The following DNAJC3 variants were observed in gnomAD, a reference collection of about 807,000 sequenced individuals.
DNAJC3 encodes DnaJ heat shock protein family (Hsp40) member C3.
In DNAJC3, 38 loss-of-function variants were observed where a neutral mutation model predicts 68.6. The observed-to-expected ratio is 0.55, with a 90% CI of 0.43 to 0.73. The LOEUF is 0.73. Ranked by LOEUF, DNAJC3 falls within the 30% of genes least tolerant of loss-of-function variation. The pLI, the probability that DNAJC3 is intolerant of heterozygous loss-of-function variation, is 0.00. For missense variants in DNAJC3, 526 were observed against 591.9 expected, an observed-to-expected ratio of 0.89 and a Z score of 1.16; for synonymous variants, 203 against 204.0, an observed-to-expected ratio of 1.00 and a Z score of 0.04.
chr13:95,686,034 T>C (rs1341276094), intron 1 of DNAJC3, among the ~76,000 whole-genome samples: 2 of 151,848 alleles, frequency 1.3e-5, no homozygotes, highest in Non-Finnish European at 2.9e-5. Context: ...CGATCTTGGC[T>C]CACTGCAAGC....
intron 9 of DNAJC3, among the ~76,000 whole-genome samples, chr13:95,764,598 A>G (rs1465124872): frequency 6.9e-6 from 1 of 144,526 alleles, no homozygotes; most frequent in African/African-American, 2.5e-5. Context: ...TTTTTGGAAG[A>G]TAACTACGGC....
At chr13:95,735,883 T>G (rs2139652751) in intron 4 of DNAJC3, among the ~76,000 whole-genome samples, 1 of 152,352 alleles carries the variant, frequency 6.6e-6, no homozygotes, top group African/African-American at 2.4e-5. Flanking sequence ...GTTTTAGACA[T>G]GAAGTCTTTG....
Position 95,760,750 on chromosome 13 carries a change from AACTT to A in DNAJC3, c.802_805del (p.Leu268IlefsTer3). 6.2e-7 allele frequency: 1 copy of A among 1,612,960 alleles called. No homozygotes were observed. The highest frequency in any genetic ancestry group is 8.5e-7 in the Non-Finnish European group (1 of 1,179,490). On this transcript the variant is annotated frameshift_variant, in exon 7 of 12. Transcript: ENST00000602402. LOFTEE classifies it high-confidence loss of function. ...TTTGCACACTATAAACAAGTAAAGAAACTTAATAAGCTGATTGAGTCAGCTGAAG... is the reference window on the plus strand; with the variant it reads ...TTTGCACACTATAAACAAGTAAAGAAAATAAGCTGATTGAGTCAGCTGAAG...
intron 1 of DNAJC3, among the ~76,000 whole-genome samples, chr13:95,680,828 A>G (rs879299174): frequency 7.9e-5 from 12 of 152,140 alleles, no homozygotes; most frequent in Admixed American, 3.3e-4. Flanking sequence ...CTTTGTTTAT[A>G]TGGAAGTATC....
intron 11 of DNAJC3, among the ~76,000 whole-genome samples, chr13:95,788,308 T>C (rs1883663583): frequency 6.6e-6 from 1 of 152,252 alleles, no homozygotes; most frequent in Non-Finnish European, 1.5e-5. Context: ...GGTGTGATAG[T>C]GTATCAGACT....
At chr13:95,722,821 CCCCCCCCCCCCCCCCCCCG>C (rs1881372234) in intron 2 of DNAJC3, among the ~76,000 whole-genome samples, 1 of 6,736 alleles carries the variant, frequency 1.5e-4, no homozygotes, top group African/African-American at 3.0e-4. Context: ...GTCCGCCCCC[CCCCCCCCCCCCCCCCCCCG>C]CCGAAAAAGG....
chr13:95,752,072 A>G (rs926060908), intron 4 of DNAJC3, among the ~76,000 whole-genome samples: 1 of 152,192 alleles, frequency 6.6e-6, no homozygotes, highest in African/African-American at 2.4e-5. Flanking sequence ...AACCACATCA[A>G]TTAGCTATAT....
At chr13:95,727,685 T>G (rs1435732033) in intron 4 of DNAJC3, among the ~76,000 whole-genome samples, 1 of 152,234 alleles carries the variant, frequency 6.6e-6, no homozygotes, top group Non-Finnish European at 1.5e-5. Flanking sequence ...ACTATAGCAC[T>G]GTATCACAAC....
At chr13:95,741,549 G>T (rs1455148771) in intron 4 of DNAJC3, among the ~76,000 whole-genome samples, 1 of 152,210 alleles carries the variant, frequency 6.6e-6, no homozygotes, top group Non-Finnish European at 1.5e-5. Flanking sequence ...TGGGCTTCCG[G>T]GTGGCCTACT....
intron 4 of DNAJC3, among the ~76,000 whole-genome samples, chr13:95,746,402 AC>A (rs1882308940): frequency 6.6e-6 from 1 of 152,186 alleles, no homozygotes; most frequent in Admixed American, 6.5e-5. Context: ...TAGACTTTAT[AC>A]ATTTTGTGTA....
Position 95,690,064 on chromosome 13 carries a change from TGG to T in DNAJC3, c.82+12728_82+12729del, listed in dbSNP as rs1263293847. Among the ~76,000 whole-genome samples, 5 of 151,608 alleles carry T rather than the reference TGG, an allele frequency of 3.3e-5. No individual in the cohort carries two copies. The East Asian group carries it at 9.7e-4, about 29-fold the overall frequency. Reference sequence around the variant, plus strand: ...ATTTGGCAGGGTCACAGGACAATAGTGGAGGGAAGGTCAGCAGATAAACAAGT... The same window carrying T: ...ATTTGGCAGGGTCACAGGACAATAGTAGGGAAGGTCAGCAGATAAACAAGT... On this transcript the variant is annotated intron_variant, in intron 1 of 11. Transcript: ENST00000602402.
chr13:95,701,828 C>G (rs1880593449), intron 1 of DNAJC3, among the ~76,000 whole-genome samples: 2 of 152,290 alleles, frequency 1.3e-5, no homozygotes, highest in South Asian at 4.1e-4. Context: ...AACTTGTGCC[C>G]TCACAGTACC....
At chr13:95,691,043 G>A (rs1258746232) in intron 1 of DNAJC3, among the ~76,000 whole-genome samples, 3 of 142,976 alleles carry the variant, frequency 2.1e-5, no homozygotes, top group African/African-American at 7.9e-5. Context: ...CCTCCTGGAT[G>A]GAGCGGCTGG....
At chr13:95,787,294 C>A in intron 11 of DNAJC3, 139 bp downstream of exon 11, 1 of 1,042,508 alleles carries the variant, frequency 9.6e-7, no homozygotes, top group Non-Finnish European at 1.4e-6. Context: ...CAGTTTTATG[C>A]CTGCCCTCAT....
intron 2 of DNAJC3, among the ~76,000 whole-genome samples, chr13:95,711,849 A>G (rs973094380): frequency 3.3e-5 from 5 of 152,244 alleles, no homozygotes; most frequent in African/African-American, 4.8e-5. Context: ...TGAAATACAC[A>G]TAACACTTGG....
rs531346540 is a variant in DNAJC3, at chr13:95,765,409, T to TAA, written c.1075+1470_1075+1471dup. On this transcript the variant is annotated intron_variant, in intron 9 of 11. Transcript: ENST00000602402. ...AGAAGAATATAAAGAGCTTAGCTGT[T>TAA]AAAAAAAAAAAAAAAGGCTAAATCT... is the stretch of plus-strand genomic sequence containing the variant. Among the ~76,000 whole-genome samples, 741 of 138,866 alleles carry TAA rather than the reference T, an allele frequency of 5.3e-3. 6 individuals are homozygous for TAA. The highest frequency in any genetic ancestry group is 0.017 in the African/African-American group (643 of 38,692). The allele number at this position is 138,866 out of a possible 152,430, so 91.1% of individuals were successfully genotyped here.
chr13:95,722,992 A>C lies in DNAJC3; in HGVS notation c.194-250A>C, dbSNP rs1881385209. On this transcript the variant is annotated intron_variant, in intron 2 of 11. Coordinates refer to ENST00000602402, the MANE Select transcript of DNAJC3 (RefSeq NM_006260.5). ...TCTTTTTTTTGGGCAACTTTTAAGA[A>C]ATGTAAAAAACATTCTTAATTGAAG... Among the ~76,000 whole-genome samples, 3 of 151,946 alleles carry C rather than the reference A, an allele frequency of 2.0e-5. No individual in the cohort carries two copies. The South Asian group carries it at 6.2e-4, about 32-fold the overall frequency.
chr13:95,718,261 G>A (rs773298810), intron 2 of DNAJC3, among the ~76,000 whole-genome samples: 5 of 152,188 alleles, frequency 3.3e-5, no homozygotes, highest in African/African-American at 4.8e-5. Flanking sequence ...TAAAAACTAA[G>A]CATGCATTTC....
rs1017088967 is a variant in DNAJC3 at position 95,699,133 on chromosome 13, T to C, written c.83-10094T>C. ...CCACCAGCTCTTAGACTGTGGCAAG[T>C]TCTGTTATGGAAATGTGACCAAAGC... is the stretch of plus-strand genomic sequence containing the variant. On this transcript the variant is annotated intron_variant, in intron 1 of 11. Transcript: ENST00000602402. Among the ~76,000 whole-genome samples the C allele has an allele frequency of 7.2e-5, 11 of 152,280 alleles. No homozygotes were observed. The South Asian group carries it at 2.3e-3, about 32-fold the overall frequency.
Sources: allele counts gnomAD v4.1 joint callset (sites outside exome capture counted in the v4.1 genomes callset), GRCh38; gene constraint gnomAD v4.1.1; transcripts MANE v1.5; gene names NCBI Gene and HGNC (gene_info 2026-07-23, HGNC 2026-07-21).